Variants in IGF1R observed in about 807,000 individuals in gnomAD.
The protein encoded by IGF1R is insulin like growth factor 1 receptor, also known as insulin-like growth factor 1 receptor.
IGF1R carries 44 observed loss-of-function variants against 144.6 expected under a neutral mutation model. The observed-to-expected ratio is 0.30, with a 90% CI of 0.24 to 0.39. The LOEUF (loss-of-function observed/expected upper bound fraction) is 0.39, where lower values mean the gene tolerates loss of function less well. Ranked by LOEUF, IGF1R falls within the 10% of genes least tolerant of loss-of-function variation. The pLI is 1.00. For synonymous variants in IGF1R, 795 were observed against 722.8 expected (o/e 1.10, Z -1.60); for missense variants, 1,355 against 1,833.7 (o/e 0.74, Z 4.77).
Position 98,963,856 on chromosome 15 carries a change from CCT to C in IGF1R, c.*6417_*6418del, listed in dbSNP as rs1596503726. On this transcript the variant is annotated 3_prime_UTR_variant, in exon 21 of 21. Transcript: ENST00000650285. ...ATTGGTTTTAAAGTTGACTCCACTT[CCT>C]CTAACTCCAGTGGATTGTTGGCCAT... 1.3e-5 allele frequency: 3 copies of C among 233,174 alleles called. No individual in the cohort carries two copies. In the East Asian group the frequency reaches 1.8e-4, roughly 14 times the overall value. 14.4% of individuals were successfully genotyped at this position (233,174 alleles called of 1,614,324 possible). A position where few individuals can be genotyped will look rare whatever the true frequency, so the allele number is the denominator to read the frequency against.
chr15:98,828,856 A>G (rs1353743549), intron 2 of IGF1R, among the ~76,000 whole-genome samples: 1 of 140,020 alleles, frequency 7.1e-6, no homozygotes, highest in African/African-American at 2.7e-5. Context: ...TGTGGAGTGC[A>G]TTTGTTCATT....
At chr15:98,929,086 C>T (rs1241297240) in intron 13 of IGF1R, among the ~76,000 whole-genome samples, 5 of 152,016 alleles carry the variant, frequency 3.3e-5, no homozygotes, top group Non-Finnish European at 7.4e-5. Flanking sequence ...CTTGCTGCTG[C>T]AAGCATTTGA....
Position 98,661,760 on chromosome 15 carries a change from G to A in IGF1R, c.94+12085G>A, listed in dbSNP as rs73473433. On this transcript the variant is annotated intron_variant, in intron 1 of 20. Transcript: ENST00000650285. ...GATTGGAATAACACTGCTCTAGCAG[G>A]GATGCCAATGAGAATTAGCAATAGA... 8.0e-3 allele frequency among the ~76,000 whole-genome samples: 1,223 copies of A among 152,254 alleles called. 21 individuals carry two copies. The highest frequency in any genetic ancestry group is 0.028 in the African/African-American group (1,176 of 41,536).
At chr15:98,944,908 C>T (rs1438828703) in intron 19 of IGF1R, among the ~76,000 whole-genome samples, 1 of 152,244 alleles carries the variant, frequency 6.6e-6, no homozygotes, top group Admixed American at 6.5e-5. Flanking sequence ...TGGACCTTCT[C>T]TCTGTAGCAC....
At chr15:98,718,316 T>TA (rs2054169958) in intron 2 of IGF1R, among the ~76,000 whole-genome samples, 1 of 152,218 alleles carries the variant, frequency 6.6e-6, no homozygotes, top group Non-Finnish European at 1.5e-5. Flanking sequence ...GCAGCGTATT[T>TA]AGGGACTGTC....
Position 98,912,253 on chromosome 15 carries a change from C to T in IGF1R, c.1590-791C>T, listed in dbSNP as rs544833222. Among the ~76,000 whole-genome samples, 15 of 152,344 alleles carry T rather than the reference C, an allele frequency of 9.8e-5. 1 individual carries two copies. The highest frequency in any genetic ancestry group is 3.4e-4 in the African/African-American group (14 of 41,578). ...GCACCTTATGACAGCATCTTGTACT[C>T]TTTCCTCCTGCCAGAGCTGGGGTCC... On this transcript the variant is annotated intron_variant, in intron 7 of 20. Coordinates refer to ENST00000650285, the MANE Select transcript of IGF1R (RefSeq NM_000875.5).
intron 2 of IGF1R, among the ~76,000 whole-genome samples, chr15:98,780,573 AAAG>A (rs1567125937): frequency 3.7e-4 from 6 of 16,154 alleles, no homozygotes; most frequent in African/African-American, 6.0e-4. Flanking sequence ...AAAAAAAAAA[AAAG>A]AGAGAGAGAG....
At position 98,960,910 on chromosome 15, in the gene IGF1R, C is replaced by G; in HGVS notation, c.*3468C>G. The stretch of plus-strand genomic sequence containing the variant: ...GCCGAGGCTCGTGGCGTCACGCCCC[C>G]CCCGCCAGGGCTGTACCTCCGTCTC... On this transcript the variant is annotated 3_prime_UTR_variant, in exon 21 of 21. Transcript: ENST00000650285. The G allele has an allele frequency of 4.3e-6, 1 of 234,100 alleles. No homozygotes were observed. The highest frequency in any genetic ancestry group is 1.8e-4 in the South Asian group (1 of 5,538). The allele number at this position is 234,100 out of a possible 1,614,324, so 14.5% of individuals were successfully genotyped here. A position where few individuals can be genotyped will look rare whatever the true frequency, so the allele number is the denominator to read the frequency against.
At chr15:98,649,736 C>A in intron 1 of IGF1R, 61 bp downstream of exon 1, 2 of 1,328,230 alleles carry the variant, frequency 1.5e-6, no homozygotes, top group Non-Finnish European at 1.1e-6. Context: ...GGGCTGCGCC[C>A]TGTTTGCGAA....
intron 1 of IGF1R, among the ~76,000 whole-genome samples, chr15:98,691,760 T>C (rs1038572646): frequency 3.9e-5 from 6 of 152,198 alleles, no homozygotes; most frequent in Non-Finnish European, 7.3e-5. Context: ...GCATGACCTA[T>C]CACCATTGTT....
rs1470670045 is a variant in IGF1R, at chr15:98,923,865, A to C, written c.2486-11A>C. The C allele has an allele frequency of 1.9e-6, 3 of 1,613,100 alleles. No homozygotes were observed. The highest frequency in any genetic ancestry group is 1.6e-4 in the Middle Eastern group (1 of 6,064). On this transcript the variant is annotated splice_polypyrimidine_tract_variant and intron_variant, in intron 11 of 20. Coordinates refer to ENST00000650285, the MANE Select transcript of IGF1R (RefSeq NM_000875.5). The stretch of plus-strand genomic sequence containing the variant: ...CCAAATCCAACTTTGTCACCTGTTT[A>C]AATTGTACAGAAGGAGCAGATGACA...
intron 2 of IGF1R, among the ~76,000 whole-genome samples, chr15:98,753,407 A>AT (rs1567111420): frequency 1.5e-5 from 1 of 66,360 alleles, no homozygotes; most frequent in African/African-American, 5.8e-5. Context: ...TTTTTTTTGT[A>AT]TTTTTTGTAG....
At chr15:98,876,112 G>A (rs572176707) in intron 2 of IGF1R, among the ~76,000 whole-genome samples, 1 of 152,220 alleles carries the variant, frequency 6.6e-6, no homozygotes, top group South Asian at 2.1e-4. Context: ...GATATTTAAT[G>A]GTTTGGGGAT....
chr15:98,803,612 C>T (rs981145351), intron 2 of IGF1R, among the ~76,000 whole-genome samples: 6 of 151,984 alleles, frequency 3.9e-5, no homozygotes, highest in African/African-American at 1.5e-4. Flanking sequence ...CTCAAGCGAT[C>T]CTCTTACCTC....
At position 98,908,924 on chromosome 15, in the gene IGF1R, G is replaced by A. The variant is rs28636461; in HGVS notation, c.1462+25G>A. On this transcript the variant is annotated intron_variant, in intron 6 of 20. Transcript: ENST00000650285. ...TGTGAGTGACAGCATCCAAAACACC[G>A]TGGGCCCAACCATCATGATAACAGC... is the stretch of plus-strand genomic sequence containing the variant. 4.0e-3 allele frequency: 6,358 copies of A among 1,596,652 alleles called. 210 individuals are homozygous for A. The African/African-American group carries it at 0.073, about 18-fold the overall frequency.
intron 2 of IGF1R, among the ~76,000 whole-genome samples, chr15:98,815,439 A>G (rs1455782864): frequency 6.6e-6 from 1 of 152,270 alleles, no homozygotes; most frequent in Non-Finnish European, 1.5e-5. Flanking sequence ...GGCCTGGCGC[A>G]TGAAAGCAGG....
chr15:98,739,524 A>G (rs1195882225), intron 2 of IGF1R, among the ~76,000 whole-genome samples: 1 of 152,178 alleles, frequency 6.6e-6, no homozygotes, highest in Non-Finnish European at 1.5e-5. Flanking sequence ...TTGTCTCCTA[A>G]AAATTTGCCT....
chr15:98,894,383 G>C (rs914118728), intron 3 of IGF1R, among the ~76,000 whole-genome samples: 8 of 152,196 alleles, frequency 5.3e-5, no homozygotes, highest in African/African-American at 1.9e-4. Flanking sequence ...GTCCATAGCA[G>C]CTTTATTTGT....
At chr15:98,680,331 G>T (rs1242589013) in intron 1 of IGF1R, among the ~76,000 whole-genome samples, 4 of 151,196 alleles carry the variant, frequency 2.6e-5, no homozygotes, top group African/African-American at 9.7e-5. Flanking sequence ...CAGTGGTGCA[G>T]TCTCGGCTCA....
Sources: allele counts gnomAD v4.1 joint callset (sites outside exome capture counted in the v4.1 genomes callset), GRCh38; gene constraint gnomAD v4.1.1; transcripts MANE v1.5; gene names NCBI Gene and HGNC (gene_info 2026-07-23, HGNC 2026-07-21).